MAP2: variants seen among roughly 807,000 people sequenced by gnomAD.
MAP2 encodes the protein microtubule associated protein 2.
MAP2 carries 14 observed loss-of-function variants against 137.6 expected under a neutral mutation model. The ratio of observed to expected loss-of-function variants is 0.10; its 90% CI spans 0.07 to 0.16. The LOEUF (loss-of-function observed/expected upper bound fraction) is 0.16. Ranked by LOEUF, MAP2 falls within the 10% of genes least tolerant of loss-of-function variation. MAP2 has a pLI of 1.00. For synonymous variants in MAP2, 786 were observed against 782.3 expected (o/e 1.00, Z -0.08); for missense variants, 2,088 against 2,191.5 (o/e 0.95, Z 0.94).
intron 3 of MAP2, among the ~76,000 whole-genome samples, chr2:209,623,498 A>G (rs1428068153): frequency 2.0e-5 from 3 of 152,314 alleles, no homozygotes; most frequent in East Asian, 3.9e-4. Flanking sequence ...AGAAAAATAC[A>G]TAATTTCAAG....
At chr2:209,584,003 T>C (rs760680321) in intron 3 of MAP2, among the ~76,000 whole-genome samples, 1 of 152,036 alleles carries the variant, frequency 6.6e-6, no homozygotes, top group Non-Finnish European at 1.5e-5. Flanking sequence ...TAGCTCCCAC[T>C]TATAAGTGAG....
intron 1 of MAP2, among the ~76,000 whole-genome samples, chr2:209,497,295 C>T (rs2059864831): frequency 6.6e-6 from 1 of 152,158 alleles, no homozygotes; most frequent in Admixed American, 6.5e-5. Flanking sequence ...CTCTAAATTT[C>T]CCCACCCATC....
chr2:209,684,361 C>A (rs1184994688), intron 7 of MAP2, among the ~76,000 whole-genome samples: 1 of 152,194 alleles, frequency 6.6e-6, no homozygotes, highest in Non-Finnish European at 1.5e-5. Context: ...CAGTAACAGT[C>A]AGCAGACTGA....
intron 2 of MAP2, among the ~76,000 whole-genome samples, chr2:209,549,211 G>T (rs1244373314): frequency 6.6e-6 from 1 of 152,126 alleles, no homozygotes; most frequent in East Asian, 1.9e-4. Flanking sequence ...TTCTTAACTA[G>T]AGCTGGCTAT....
intron 1 of MAP2, among the ~76,000 whole-genome samples, chr2:209,435,990 T>TAATATATAA (rs1559159420): frequency 1.1e-5 from 1 of 87,980 alleles, no homozygotes; most frequent in Non-Finnish European, 2.0e-5. Context: ...ACAGTATATA[T>TAATATATAA]TATATACTAT....
Position 209,710,153 on chromosome 2 carries a change from A to G in MAP2, c.4972A>G (p.Lys1658Glu), listed in dbSNP as rs2064949629. 2.5e-6 allele frequency: 4 copies of G among 1,613,964 alleles called. No homozygotes were observed. Among genetic ancestry groups the G allele is most frequent in the Non-Finnish European group, 3.4e-6 (4 of 1,179,956 alleles). ...RTPPKSPATP[K>E]QLRLINQPLP... The stretch of plus-strand genomic sequence containing the variant: ...TCCTCCAAAATCTCCTGCGACTCCC[A>G]AGCAGCTTCGGCTTATTAACCAACC... Residue 1658 changes from lysine to glutamate, a missense_variant, in exon 13 of 16, where the codon AAG (lysine) becomes GAG (glutamate). This residue lies in a region of MAP2 where 591 missense variants were observed against 642.6 expected (regional missense o/e 0.92). Coordinates refer to ENST00000682079, the MANE Select transcript of MAP2 (RefSeq NM_001375505.1).
chr2:209,479,049 T>C (rs1011193399), intron 1 of MAP2, among the ~76,000 whole-genome samples: 2 of 152,196 alleles, frequency 1.3e-5, no homozygotes, highest in African/African-American at 4.8e-5. Flanking sequence ...ATAAAGTAAA[T>C]ATTCATTTCT....
intron 3 of MAP2, among the ~76,000 whole-genome samples, chr2:209,583,769 A>ATTTT (rs3036666): frequency 1.1e-4 from 17 of 148,448 alleles, no homozygotes; most frequent in African/African-American, 3.4e-4. Flanking sequence ...GACATAAATG[A>ATTTT]TTTTTTTTTT....
chr2:209,459,637 A>C (rs1429969768), intron 1 of MAP2, among the ~76,000 whole-genome samples: 2 of 151,860 alleles, frequency 1.3e-5, no homozygotes, highest in East Asian at 3.9e-4. Flanking sequence ...ACTCTATGAG[A>C]CTCCCTGGAC....
chr2:209,542,237 T>A (rs575317928), intron 2 of MAP2, among the ~76,000 whole-genome samples: 91 of 152,332 alleles, frequency 6.0e-4, no homozygotes, highest in African/African-American at 2.1e-3. Flanking sequence ...AATCTTTTTT[T>A]CTGAGCAGTG....
chr2:209,658,510 A>AT (rs1559497636), intron 5 of MAP2, among the ~76,000 whole-genome samples: 9 of 149,122 alleles, frequency 6.0e-5, no homozygotes, highest in African/African-American at 2.1e-4. Context: ...TATTATTATT[A>AT]CTATTTTTTT....
chr2:209,676,584 C>A (rs1284514536), intron 5 of MAP2, among the ~76,000 whole-genome samples: 1 of 151,110 alleles, frequency 6.6e-6, no homozygotes, highest in East Asian at 1.9e-4. Flanking sequence ...ACTTGGGAAA[C>A]CTTATATAGT....
chr2:209,634,392 T>C lies in MAP2; in HGVS notation c.-30+9263T>C, dbSNP rs556685762. Among the ~76,000 whole-genome samples the C allele has an allele frequency of 1.6e-4, 24 of 152,304 alleles. 1 individual carries two copies. In the South Asian group the frequency reaches 3.7e-3, roughly 24 times the overall value. Reference sequence around the variant, plus strand: ...TAACAGTCCAGGTTCAGTGTTCCAGTTGAAACGTTGTTTGTCCTCTTCGTA... The same window carrying C: ...TAACAGTCCAGGTTCAGTGTTCCAGCTGAAACGTTGTTTGTCCTCTTCGTA... On this transcript the variant is annotated intron_variant, in intron 4 of 15. Transcript: ENST00000682079.
chr2:209,628,235 C>T (rs973546545), intron 4 of MAP2, among the ~76,000 whole-genome samples: 4 of 152,198 alleles, frequency 2.6e-5, no homozygotes, highest in East Asian at 1.9e-4. Flanking sequence ...CATGGTGGCA[C>T]GTGCCTGTAA....
At chr2:209,578,994 AG>A (rs1228620678) in intron 2 of MAP2, among the ~76,000 whole-genome samples, 2 of 152,028 alleles carry the variant, frequency 1.3e-5, no homozygotes, top group Non-Finnish European at 2.9e-5. Flanking sequence ...AACTGTTAAA[AG>A]GGTATTGAAT....
chr2:209,540,412 C>T (rs1179301848), intron 2 of MAP2, among the ~76,000 whole-genome samples: 1 of 151,212 alleles, frequency 6.6e-6, no homozygotes, highest in East Asian at 2.0e-4. Flanking sequence ...GGCAGGCGGA[C>T]CATGAGGTCA....
chr2:209,454,922 CCAATAA>C (rs968693322), intron 1 of MAP2, among the ~76,000 whole-genome samples: 7 of 152,108 alleles, frequency 4.6e-5, no homozygotes, highest in Non-Finnish European at 8.8e-5. Flanking sequence ...GCTAGACAGT[CCAATAA>C]CAAGGTGCCA....
chr2:209,698,911 G>A (rs962601342), intron 10 of MAP2, among the ~76,000 whole-genome samples: 1 of 152,152 alleles, frequency 6.6e-6, no homozygotes, highest in Non-Finnish European at 1.5e-5. Flanking sequence ...CAGGATTGTG[G>A]AATTTTAGAG....
rs547218025 is a variant in MAP2, at chr2:209,730,657, A to G, written c.*260A>G. On this transcript the variant is annotated 3_prime_UTR_variant, in exon 16 of 16. Coordinates refer to ENST00000682079, the MANE Select transcript of MAP2 (RefSeq NM_001375505.1). ...TTATTTTTGCTCTGCTCTGTTTTGCATGGAGTATTATTATTTTAAAAATTG... is the reference window on the plus strand; with the variant it reads ...TTATTTTTGCTCTGCTCTGTTTTGCGTGGAGTATTATTATTTTAAAAATTG... The G allele has an allele frequency of 4.7e-6, 2 of 423,824 alleles. No homozygotes were observed. Among genetic ancestry groups the G allele is most frequent in the African/African-American group, 2.0e-5 (1 of 49,930 alleles). 26.3% of individuals were successfully genotyped at this position (423,824 alleles called of 1,614,324 possible). A position where few individuals can be genotyped will look rare whatever the true frequency, so the allele number is the denominator to read the frequency against.
Sources: allele counts gnomAD v4.1 joint callset (sites outside exome capture counted in the v4.1 genomes callset), GRCh38; gene constraint gnomAD v4.1.1; regional missense constraint gnomAD v4.1.1; transcripts MANE v1.5; gene names NCBI Gene and HGNC (gene_info 2026-07-23, HGNC 2026-07-21).